The following FOXO4 variants were observed in gnomAD, a reference collection of about 807,000 sequenced individuals.
The protein encoded by FOXO4 is forkhead box O4.
FOXO4 carries 3 observed loss-of-function variants against 20.8 expected under a neutral mutation model. That is an observed-to-expected ratio of 0.14 (90% CI 0.07 to 0.37). The LOEUF (loss-of-function observed/expected upper bound fraction) is 0.37. Ranked by LOEUF, FOXO4 falls within the 10% of genes least tolerant of loss-of-function variation. The pLI is 1.00. For synonymous variants in FOXO4, 158 were observed against 180.0 expected (o/e 0.88, Z 0.98); for missense variants, 309 against 431.9 (o/e 0.72, Z 2.52).
At chrX:71,097,167 G>A (rs1319429919) in intron 1 of FOXO4, among the ~76,000 whole-genome samples, 186 bp downstream of exon 1, 1 of 103,544 alleles carries the variant, frequency 9.7e-6, no homozygotes, top group Admixed American at 1.1e-4. Context: ...TGCCACACTC[G>A]GTGCTTGATG....
At chrX:71,098,600 T>C (rs1024613704) in intron 1 of FOXO4, among the ~76,000 whole-genome samples, 4 of 112,012 alleles carry the variant, frequency 3.6e-5, no homozygotes, top group African/African-American at 1.3e-4. Flanking sequence ...CCCTCCAACA[T>C]GTAAGAGTTA....
rs763379588 is a variant in FOXO4, at chrX:71,100,916, C to T, written c.686C>T (p.Thr229Met). The part of the protein sequence containing the change: ...LPAPPEGATP[T>M]SPVGHFAKWS... ...GCTCCACCCGAAGGTGCCACTCCAA[C>T]GAGCCCTGTCGGCCACTTTGCCAAG... The change falls in exon 2 of 3, where the codon ACG becomes ATG. Residue 229 changes from threonine to methionine, a missense_variant. By Grantham distance (81) the Thr-to-Met change is moderately conservative. This residue lies in a region of FOXO4 where 223 missense variants were observed against 302.7 expected (regional missense o/e 0.74). Transcript: ENST00000374259. 5.0e-6 allele frequency: 6 copies of T among 1,211,245 alleles called. No individual in the cohort carries two copies. The Admixed American group carries it at 8.7e-5, about 18-fold the overall frequency.
Position 71,102,266 on chromosome X carries a change from G to A in FOXO4, c.*182G>A, listed in dbSNP as rs1202593269. 8 of 465,330 alleles carry A rather than the reference G, an allele frequency of 1.7e-5. No individual in the cohort carries two copies. The highest frequency in any genetic ancestry group is 3.7e-5 in the Admixed American group (1 of 27,170). The allele number at this position is 465,330 out of a possible 1,213,427, so 38.3% of individuals were successfully genotyped here. On this transcript the variant is annotated 3_prime_UTR_variant, in exon 3 of 3. Transcript: ENST00000374259. ...AAGCTGCCCCATCTGGGGACGATATGGGGAGGGAGATGGGAGGGGAAAGGG... is the reference window on the plus strand; with the variant it reads ...AAGCTGCCCCATCTGGGGACGATATAGGGAGGGAGATGGGAGGGGAAAGGG...
rs774500840 is a variant in FOXO4, at chrX:71,101,785, A to G, written c.1510+45A>G. On this transcript the variant is annotated intron_variant, in intron 2 of 2. Coordinates refer to ENST00000374259, the MANE Select transcript of FOXO4 (RefSeq NM_005938.4). ...CCACAGCACCTCATAGCCTATTACCACTCCTAGGTGCCCAGCTAGTCCCAT... is the reference window on the plus strand; with the variant it reads ...CCACAGCACCTCATAGCCTATTACCGCTCCTAGGTGCCCAGCTAGTCCCAT... 86 of 1,023,545 alleles carry G rather than the reference A, an allele frequency of 8.4e-5. No homozygotes were observed. In the South Asian group the frequency reaches 1.4e-3, roughly 17 times the overall value. The allele number at this position is 1,023,545 out of a possible 1,213,427, so 84.4% of individuals were successfully genotyped here.
Position 71,096,405 on chromosome X carries a change from G to A in FOXO4, c.-124G>A, listed in dbSNP as rs994229264. The A allele has an allele frequency of 4.8e-6, 3 of 621,418 alleles. No homozygotes were observed. The highest frequency in any genetic ancestry group is 4.5e-5 in the African/African-American group (2 of 44,442). 51.2% of individuals were successfully genotyped at this position (621,418 alleles called of 1,213,427 possible). On this transcript the variant is annotated 5_prime_UTR_variant, in exon 1 of 3. Transcript: ENST00000374259. Reference sequence around the variant, plus strand: ...GTCCTGGGACTAGGGGGAAGTTCGCGACTTTCTGAAGACTGGCAGGAATGT... The same window carrying A: ...GTCCTGGGACTAGGGGGAAGTTCGCAACTTTCTGAAGACTGGCAGGAATGT...
rs2092229389 is a variant in FOXO4, at chrX:71,100,901, A to C, written c.671A>C (p.Glu224Ala). The C allele has an allele frequency of 8.3e-7, 1 of 1,209,604 alleles. No individual in the cohort carries two copies. Among genetic ancestry groups the C allele is most frequent in the African/African-American group, 1.8e-5 (1 of 57,131 alleles). Reference sequence around the variant, plus strand: ...CCATCTGTGCTGCCAGCTCCACCCGAAGGTGCCACTCCAACGAGCCCTGTC... The same window carrying C: ...CCATCTGTGCTGCCAGCTCCACCCGCAGGTGCCACTCCAACGAGCCCTGTC... ...KKPSVLPAPP[E>A]GATPTSPVGH... Residue 224 changes from glutamate (E) to alanine (A), a missense_variant, in exon 2 of 3, where the codon GAA (glutamate) becomes GCA (alanine). This residue lies in a region of FOXO4 where 223 missense variants were observed against 302.7 expected (regional missense o/e 0.74). Coordinates refer to ENST00000374259, the MANE Select transcript of FOXO4 (RefSeq NM_005938.4).
chrX:71,095,948 G>A lies in FOXO4; in HGVS notation c.-581G>A, dbSNP rs1233880923. Reference sequence around the variant, plus strand: ...GAAACCCGGGGGGCGGGGGGTGGGGGGGGTTGATAGGGGAATCGGTGCGGG... The same window carrying A: ...GAAACCCGGGGGGCGGGGGGTGGGGAGGGTTGATAGGGGAATCGGTGCGGG... On this transcript the variant is annotated 5_prime_UTR_variant, in exon 1 of 3. Transcript: ENST00000374259. Among the ~76,000 whole-genome samples, 2 of 91,806 alleles carry A rather than the reference G, an allele frequency of 2.2e-5. No individual in the cohort carries two copies. The highest frequency in any genetic ancestry group is 4.3e-5 in the Non-Finnish European group (2 of 45,984). 79.7% of individuals were successfully genotyped at this position (91,806 alleles called of 115,157 possible).
chrX:71,101,258 G>C lies in FOXO4; in HGVS notation c.1028G>C (p.Ser343Thr). Residue 343 changes from serine to threonine, a missense_variant, in exon 2 of 3, where the codon AGC (serine) becomes ACC (threonine). This residue lies in a region of FOXO4 where 223 missense variants were observed against 302.7 expected (regional missense o/e 0.74). Transcript: ENST00000374259. ...GVTGPLHTYS[S>T]SLFSPAEGPL... ...ACCGGCCCCTTACACACCTACAGCA[G>C]CTCCCTTTTCAGCCCAGCAGAGGGG... 1 of 1,211,372 alleles carries C rather than the reference G, an allele frequency of 8.3e-7. No individual in the cohort carries two copies. Among genetic ancestry groups the C allele is most frequent in the Non-Finnish European group, 1.1e-6 (1 of 895,337 alleles).
At position 71,096,753 on chromosome X, in the gene FOXO4, G is replaced by A; in HGVS notation, c.225G>A (p.Glu75=). 3 of 1,198,762 alleles carry A rather than the reference G, an allele frequency of 2.5e-6. No homozygotes were observed. The highest frequency in any genetic ancestry group is 3.4e-6 in the Non-Finnish European group (3 of 888,566). Reference sequence around the variant, plus strand: ...TCCTGTTGCCCTCTCGGCTCCCAGAGCCGGCCGGGGGCCCCCAGCCCGGAA... The same window carrying A: ...TCCTGTTGCCCTCTCGGCTCCCAGAACCGGCCGGGGGCCCCCAGCCCGGAA... ...EPILLPSRLP[E]PAGGPQPGIL... The change falls in exon 1 of 3, where the codon GAG becomes GAA. Residue 75 remains glutamate, a synonymous_variant. Transcript: ENST00000374259.
Position 71,102,694 on chromosome X carries a change from C to A in FOXO4, c.*610C>A, listed in dbSNP as rs1424688319. Reference sequence around the variant, plus strand: ...AAACACAAATATAGAGATTTTTTAACCATGGCAGGGTGCTAGTGGTGGGCA... The same window carrying A: ...AAACACAAATATAGAGATTTTTTAAACATGGCAGGGTGCTAGTGGTGGGCA... On this transcript the variant is annotated 3_prime_UTR_variant, in exon 3 of 3. Transcript: ENST00000374259. 1.2e-5 allele frequency: 2 copies of A among 170,291 alleles called. No individual in the cohort carries two copies. The highest frequency in any genetic ancestry group is 2.2e-5 in the Non-Finnish European group (2 of 88,962). The allele number at this position is 170,291 out of a possible 1,213,427, so 14.0% of individuals were successfully genotyped here. A position where few individuals can be genotyped will look rare whatever the true frequency, so the allele number is the denominator to read the frequency against.
intron 1 of FOXO4, among the ~76,000 whole-genome samples, chrX:71,098,585 C>T (rs959071491): frequency 8.9e-6 from 1 of 112,184 alleles, no homozygotes; most frequent in African/African-American, 3.2e-5. Context: ...ACCCCCACCA[C>T]CCTGCCCTCC....
chrX:71,100,896 A>C lies in FOXO4; in HGVS notation c.666A>C (p.Pro222=), dbSNP rs765302843. The C allele has an allele frequency of 9.9e-6, 12 of 1,208,956 alleles. No homozygotes were observed. The highest frequency in any genetic ancestry group is 1.3e-5 in the Non-Finnish European group (12 of 894,660). ...AGAAACCATCTGTGCTGCCAGCTCC[A>C]CCCGAAGGTGCCACTCCAACGAGCC... ...PKKKPSVLPA[P]PEGATPTSPV... is the part of the protein sequence containing the mutation. Residue 222 remains proline (P), a synonymous_variant, in exon 2 of 3, where the codon CCA becomes CCC. Coordinates refer to ENST00000374259, the MANE Select transcript of FOXO4 (RefSeq NM_005938.4).
Position 71,101,357 on chromosome X carries a change from C to T in FOXO4, c.1127C>T (p.Pro376Leu). 1.7e-6 allele frequency: 2 copies of T among 1,211,553 alleles called. No homozygotes were observed. The highest frequency in any genetic ancestry group is 5.9e-5 in the East Asian group (2 of 33,820). The change falls in exon 2 of 3, where the codon CCA (proline) becomes CTA (leucine). Residue 376 changes from proline (P) to leucine (L), a missense_variant. Pro to Leu is a moderately conservative substitution (Grantham distance 98). This residue lies in a region of FOXO4 where 223 missense variants were observed against 302.7 expected (regional missense o/e 0.74). Transcript: ENST00000374259. The part of the protein sequence containing the change: ...LEALLTSDTP[P>L]PPADVLMTQV... The stretch of plus-strand genomic sequence containing the variant: ...GCCCTGCTCACCTCTGATACGCCAC[C>T]ACCCCCTGCTGACGTCCTCATGACC...
intron 1 of FOXO4, among the ~76,000 whole-genome samples, chrX:71,098,352 A>G (rs749119656): frequency 6.2e-5 from 7 of 112,302 alleles, no homozygotes; most frequent in Non-Finnish European, 1.1e-4. Context: ...TATAAATCAT[A>G]TTCTCTAAAA....
Position 71,096,917 on chromosome X carries a change from G to A in FOXO4, c.389G>A (p.Trp130Ter). Residue 130 changes from tryptophan (W) to a stop codon, truncating the protein, a stop_gained, in exon 1 of 3, where the codon TGG becomes TAG. Transcript: ENST00000374259. LOFTEE classifies it high-confidence loss of function. ...KRLTLAQIYE[W>*]MVRTVPYFKD... ...CTGACACTTGCCCAGATCTACGAGTGGATGGTCCGTACTGTACCCTACTTC... is the reference window on the plus strand; with the variant it reads ...CTGACACTTGCCCAGATCTACGAGTAGATGGTCCGTACTGTACCCTACTTC... 1 of 1,210,034 alleles carries A rather than the reference G, an allele frequency of 8.3e-7. No homozygotes were observed. The highest frequency in any genetic ancestry group is 1.1e-6 in the Non-Finnish European group (1 of 894,628).
At chrX:71,097,141 C>G (rs1388537593) in intron 1 of FOXO4, among the ~76,000 whole-genome samples, 160 bp downstream of exon 1, 3 of 100,481 alleles carry the variant, frequency 3.0e-5, no homozygotes, top group African/African-American at 1.1e-4. Context: ...CAAACATTTA[C>G]TTAGTACATA....
chrX:71,102,782 T>C lies in FOXO4; in HGVS notation c.*698T>C, dbSNP rs377665779. The stretch of plus-strand genomic sequence containing the variant: ...GACATGATACAAACACTACAGACAA[T>C]AAATATTAGGAGACACAGGGAAGTG... On this transcript the variant is annotated 3_prime_UTR_variant, in exon 3 of 3. Coordinates refer to ENST00000374259, the MANE Select transcript of FOXO4 (RefSeq NM_005938.4). The C allele has an allele frequency of 1.8e-5, 3 of 171,333 alleles. No homozygotes were observed. Among genetic ancestry groups the C allele is most frequent in the African/African-American group, 9.0e-5 (3 of 33,486 alleles). The allele number at this position is 171,333 out of a possible 1,213,427, so 14.1% of individuals were successfully genotyped here.
rs1025642667 is a variant in FOXO4 at position 71,096,456 on chromosome X, C to A, written c.-73C>A. ...GCCTCCTGGCCCTCGATGCTTCCCC[C>A]CTGAGGGGAGGCATCGTGAGGGACT... On this transcript the variant is annotated 5_prime_UTR_variant, in exon 1 of 3. Transcript: ENST00000374259. 7 of 977,618 alleles carry A rather than the reference C, an allele frequency of 7.2e-6. No individual in the cohort carries two copies. The highest frequency in any genetic ancestry group is 2.7e-5 in the Admixed American group (1 of 37,359). 80.6% of individuals were successfully genotyped at this position (977,618 alleles called of 1,213,427 possible). A position where few individuals can be genotyped will look rare whatever the true frequency, so the allele number is the denominator to read the frequency against.
At chrX:71,102,029 A>G in intron 2 of FOXO4, 48 bp from the exon 3 acceptor site, 2 of 1,197,516 alleles carry the variant, frequency 1.7e-6, no homozygotes, top group African/African-American at 3.5e-5. Context: ...AATGTTGGCA[A>G]GCCCCAGGTA....
Sources: gnomAD v4.1 joint callset for allele counts (sites outside exome capture counted in the v4.1 genomes callset) on GRCh38, gnomAD v4.1.1 for gene constraint, gnomAD v4.1.1 regional missense constraint, MANE v1.5 for transcripts, NCBI Gene and HGNC (gene_info 2026-07-23, HGNC 2026-07-21) for gene names.